Variants in BTBD7 observed in about 807,000 individuals in gnomAD.
The protein encoded by BTBD7 is BTB/POZ domain-containing protein 7.
A neutral mutation model predicts 99.9 loss-of-function variants in BTBD7; 38 were observed. The ratio of observed to expected loss-of-function variants is 0.38; its 90% CI spans 0.29 to 0.50. BTBD7 has a LOEUF of 0.50. Ranked by LOEUF, BTBD7 falls within the 20% of genes least tolerant of loss-of-function variation. BTBD7 has a pLI of 0.93. For synonymous variants in BTBD7, 520 were observed against 511.4 expected, an observed-to-expected ratio of 1.02 and a Z score of -0.23; for missense variants, 1,170 against 1,394.6, an observed-to-expected ratio of 0.84 and a Z score of 2.57.
intron 3 of BTBD7, among the ~76,000 whole-genome samples, chr14:93,269,427 G>C (rs1220237850): frequency 6.6e-6 from 1 of 152,130 alleles, no homozygotes; most frequent in African/African-American, 2.4e-5. Flanking sequence ...AGTCCTGTAG[G>C]TACGAAACCA....
At chr14:93,268,800 C>G (rs1009084280) in intron 3 of BTBD7, among the ~76,000 whole-genome samples, 2 of 150,384 alleles carry the variant, frequency 1.3e-5, no homozygotes, top group Non-Finnish European at 3.0e-5. Flanking sequence ...GCTCAGCCGC[C>G]CAGGCTGGAG....
chr14:93,285,133 T>C (rs2052762552), intron 3 of BTBD7, among the ~76,000 whole-genome samples: 1 of 152,104 alleles, frequency 6.6e-6, no homozygotes, highest in Non-Finnish European at 1.5e-5. Flanking sequence ...AGAAGTAAAA[T>C]AAACTGTCAA....
chr14:93,330,433 G>A (rs1242904841), intron 1 of BTBD7, among the ~76,000 whole-genome samples: 1 of 152,086 alleles, frequency 6.6e-6, no homozygotes, highest in East Asian at 1.9e-4. Flanking sequence ...TCATAGGCCA[G>A]CTCAAATCCG....
In BTBD7 at chr14:93,245,922, C is replaced by T; in HGVS notation, c.2486G>A (p.Ser829Asn). The T allele has an allele frequency of 3.1e-6, 5 of 1,614,116 alleles. No individual in the cohort carries two copies. Among genetic ancestry groups the T allele is most frequent in the Non-Finnish European group, 4.2e-6 (5 of 1,180,014 alleles). Residue 829 changes from serine to asparagine, a missense_variant, in exon 10 of 11, where the codon AGC becomes AAC. Around this residue, in one of 4 missense-constraint regions of BTBD7, gnomAD observed 495 missense variants for 525.9 expected, o/e 0.94. Coordinates refer to ENST00000334746, the MANE Select transcript of BTBD7 (RefSeq NM_001002860.4). ...SVKAAPPDCT[S>N]TAGLGRQTVA... ...CGTCTGTCTGCCCAGTCCTGCAGTG[C>T]TGGTACAATCAGGCGGTGCAGCTTT...
rs958833616 is a variant in BTBD7, at chr14:93,242,075, A to T, written c.*198T>A. On this transcript the variant is annotated 3_prime_UTR_variant, in exon 11 of 11. Coordinates refer to ENST00000334746, the MANE Select transcript of BTBD7 (RefSeq NM_001002860.4). ...ATAATTGTTCAAAGACAAATTAGAC[A>T]GATGCAACATTAAAAAAAAAAAACA... 3.6e-6 allele frequency: 2 copies of T among 556,086 alleles called. No homozygotes were observed. The highest frequency in any genetic ancestry group is 6.3e-6 in the Non-Finnish European group (2 of 318,568). 34.4% of individuals were successfully genotyped at this position (556,086 alleles called of 1,614,324 possible).
chr14:93,298,047 C>CT (rs34985437), intron 1 of BTBD7, among the ~76,000 whole-genome samples: 25,425 of 151,854 alleles, frequency 0.17, 2,356 homozygotes, highest in East Asian at 0.31. Context: ...ATTATTATTT[C>CT]TTTTTTTTGT....
chr14:93,303,450 G>GC (rs1318418541), intron 1 of BTBD7, among the ~76,000 whole-genome samples: 21 of 149,510 alleles, frequency 1.4e-4, no homozygotes, highest in African/African-American at 5.2e-4. Flanking sequence ...AAAAAAAAAA[G>GC]TTAAAAAAAA....
rs2052342470 is a variant in BTBD7, at chr14:93,248,905, A to G, written c.1943-251T>C. On this transcript the variant is annotated intron_variant, in intron 8 of 10. Transcript: ENST00000334746. ...GTTGTATTATTTAGTTTACAGTTCA[A>G]ATACAATTTTACTTGCATGTATTCT... is the stretch of plus-strand genomic sequence containing the variant. Among the ~76,000 whole-genome samples, 2 of 152,226 alleles carry G rather than the reference A, an allele frequency of 1.3e-5. 1 individual carries two copies.
chr14:93,266,882 T>A (rs2052548757), intron 3 of BTBD7, among the ~76,000 whole-genome samples: 1 of 152,172 alleles, frequency 6.6e-6, no homozygotes, highest in South Asian at 2.1e-4. Context: ...GGCGTGAAGA[T>A]GTGCTAATGA....
intron 1 of BTBD7, among the ~76,000 whole-genome samples, chr14:93,324,520 G>A (rs2053306508): frequency 6.6e-6 from 1 of 152,148 alleles, no homozygotes; most frequent in Non-Finnish European, 1.5e-5. Flanking sequence ...TGGTGGGGAT[G>A]GCTCCAGGCC....
intron 3 of BTBD7, among the ~76,000 whole-genome samples, chr14:93,284,840 C>T (rs533440442): frequency 6.6e-6 from 1 of 151,534 alleles, no homozygotes; most frequent in Non-Finnish European, 1.5e-5. Flanking sequence ...GGCAAAATAC[C>T]CCCCAGACAA....
intron 4 of BTBD7, among the ~76,000 whole-genome samples, chr14:93,261,935 G>A (rs1010214742): frequency 2.0e-5 from 3 of 151,932 alleles, no homozygotes; most frequent in African/African-American, 7.3e-5. Context: ...TTCTTTTTCT[G>A]TAATCTGCTC....
chr14:93,256,198 CTAATCA>C (rs1294805246), intron 6 of BTBD7: 8 of 152,062 alleles, frequency 5.3e-5, no homozygotes, highest in Admixed American at 2.6e-4. Context: ...TCTTCTTCTG[CTAATCA>C]GTTAATCTAG....
intron 1 of BTBD7, among the ~76,000 whole-genome samples, chr14:93,307,628 CAT>C (rs754276108): frequency 1.0e-3 from 152 of 152,330 alleles, no homozygotes; most frequent in Non-Finnish European, 1.7e-3. Flanking sequence ...AACATCTTCA[CAT>C]GTTTCATACT....
intron 9 of BTBD7, among the ~76,000 whole-genome samples, chr14:93,247,626 G>A (rs1178744845): frequency 1.3e-5 from 2 of 152,206 alleles, no homozygotes; most frequent in African/African-American, 2.4e-5. Flanking sequence ...GATTACAGGC[G>A]TGAGCCACTG....
At chr14:93,307,060 C>G (rs1175567626) in intron 1 of BTBD7, among the ~76,000 whole-genome samples, 1 of 152,210 alleles carries the variant, frequency 6.6e-6, no homozygotes, top group African/African-American at 2.4e-5. Flanking sequence ...GCAGTAATAT[C>G]TTCCTGACAT....
intron 3 of BTBD7, among the ~76,000 whole-genome samples, chr14:93,271,745 C>T (rs548871814): frequency 2.0e-5 from 3 of 152,296 alleles, no homozygotes; most frequent in South Asian, 2.1e-4. Context: ...TGGCTCACAC[C>T]GGTAATCCCA....
At position 93,294,612 on chromosome 14, in the gene BTBD7, A is replaced by G; in HGVS notation, c.408T>C (p.Tyr136=). Residue 136 remains tyrosine (Y), a synonymous_variant, in exon 3 of 11, where the codon TAT becomes TAC. Coordinates refer to ENST00000334746, the MANE Select transcript of BTBD7 (RefSeq NM_001002860.4). ...CTACATCAGTACAATACTTGTACTCATAAAGATCAGCCATATCTTTCTGCA... is the reference window on the plus strand; with the variant it reads ...CTACATCAGTACAATACTTGTACTCGTAAAGATCAGCCATATCTTTCTGCA... ...RTLQKDMADL[Y]EYKYCTDVDL... 1 of 1,614,104 alleles carries G rather than the reference A, an allele frequency of 6.2e-7. No homozygotes were observed. Among genetic ancestry groups the G allele is most frequent in the Non-Finnish European group, 8.5e-7 (1 of 1,180,048 alleles).
At chr14:93,313,946 A>T (rs999723723) in intron 1 of BTBD7, among the ~76,000 whole-genome samples, 14 of 151,388 alleles carry the variant, frequency 9.2e-5, no homozygotes, top group African/African-American at 3.2e-4. Context: ...GGGTCTCACT[A>T]TGTTGCCCAG....
Sources: allele counts gnomAD v4.1 joint callset (sites outside exome capture counted in the v4.1 genomes callset), GRCh38; gene constraint gnomAD v4.1.1; regional missense constraint gnomAD v4.1.1; transcripts MANE v1.5; gene names NCBI Gene and HGNC (gene_info 2026-07-23, HGNC 2026-07-21).